CAMTA1: variants seen among roughly 807,000 people sequenced by gnomAD.
The protein encoded by CAMTA1 is calmodulin binding transcription activator 1, also known as calmodulin-binding transcription activator 1.
A neutral mutation model predicts 170.9 loss-of-function variants in CAMTA1; 27 were observed. That is an observed-to-expected ratio of 0.16 (90% CI 0.12 to 0.22). CAMTA1 has a LOEUF of 0.22. Among genes scored for constraint, CAMTA1 ranks in the 10% least tolerant of loss-of-function variants. CAMTA1 has a pLI of 1.00. For synonymous variants in CAMTA1, 833 were observed against 891.5 expected, an observed-to-expected ratio of 0.93 and a Z score of 1.17; for missense variants, 1,619 against 2,217.2, an observed-to-expected ratio of 0.73 and a Z score of 5.42.
intron 4 of CAMTA1, among the ~76,000 whole-genome samples, chr1:7,246,507 T>G (rs2149286627): frequency 6.6e-6 from 1 of 152,116 alleles, no homozygotes; most frequent in Non-Finnish European, 1.5e-5. Context: ...CCTGTTTTCC[T>G]GCTCTTCTTG....
Position 7,236,610 on chromosome 1 carries a change from C to T in CAMTA1, c.303-12881C>T, listed in dbSNP as rs151233094. Among the ~76,000 whole-genome samples, 436 of 152,302 alleles carry T rather than the reference C, an allele frequency of 2.9e-3. 4 individuals carry two copies. Among genetic ancestry groups the T allele is most frequent in the African/African-American group, 0.01 (418 of 41,564 alleles). On this transcript the variant is annotated intron_variant, in intron 4 of 22. Transcript: ENST00000303635. ...CTTCTCTGTGCCCTAAGCCTTCTCA[C>T]CCTGTAAAATGAAGATAGCAATACC...
chr1:7,220,849 A>C (rs868662222), intron 4 of CAMTA1, among the ~76,000 whole-genome samples: 59 of 152,276 alleles, frequency 3.9e-4, no homozygotes, highest in Middle Eastern at 6.8e-3. Context: ...CTGGACATGG[A>C]GAAGAAGTGG....
chr1:6,797,189 T>G (rs953171066), intron 1 of CAMTA1, among the ~76,000 whole-genome samples: 1 of 151,528 alleles, frequency 6.6e-6, no homozygotes, highest in Admixed American at 6.6e-5. Flanking sequence ...CCTGCCTCAG[T>G]CCCCCAAGTG....
Position 7,113,775 on chromosome 1 carries a change from G to T in CAMTA1, c.302+22404G>T, listed in dbSNP as rs1362254204. ...TTGTGCTTCAAAAATGTAACAGATA[G>T]AAAGGAGTGAGTGCTTCTTGCATCC... On this transcript the variant is annotated intron_variant, in intron 4 of 22. Transcript: ENST00000303635. This position sits in a 1 kb window ranked among gnomAD's most constrained non-coding sequence, Gnocchi z 4.5. Among the ~76,000 whole-genome samples the T allele has an allele frequency of 6.6e-6, 1 of 152,204 alleles. No homozygotes were observed. The highest frequency in any genetic ancestry group is 1.5e-5 in the Non-Finnish European group (1 of 68,032).
At chr1:7,437,835 G>C (rs574295526) in intron 5 of CAMTA1, among the ~76,000 whole-genome samples, 1 of 152,190 alleles carries the variant, frequency 6.6e-6, no homozygotes. Flanking sequence ...GCTCCTACAC[G>C]GTCGGGCGGT....
At position 7,040,723 on chromosome 1, in the gene CAMTA1, C is replaced by CA. The variant is rs1351458629; in HGVS notation, c.235-50581_235-50580insA. 2.1e-5 allele frequency among the ~76,000 whole-genome samples: 3 copies of CA among 141,684 alleles called. No individual in the cohort carries two copies. In the East Asian group the frequency reaches 6.2e-4, roughly 29 times the overall value. The allele number at this position is 141,684 out of a possible 152,430, so 93.0% of individuals were successfully genotyped here. On this transcript the variant is annotated intron_variant, in intron 3 of 22. Coordinates refer to ENST00000303635, the MANE Select transcript of CAMTA1 (RefSeq NM_015215.4). ...TTCTGCCTTGGCCATGGATCTCCCTCTTTTTTTTTTTTTTTTTAAAGACAG... is the reference window on the plus strand; with the variant it reads ...TTCTGCCTTGGCCATGGATCTCCCTCATTTTTTTTTTTTTTTTTAAAGACAG...
At chr1:7,498,855 AGTGT>A (rs1180927952) in intron 6 of CAMTA1, among the ~76,000 whole-genome samples, 1 of 103,184 alleles carries the variant, frequency 9.7e-6, no homozygotes, top group Non-Finnish European at 2.0e-5. Flanking sequence ...TGTATGTATG[AGTGT>A]GTGTGTGCAT....
chr1:7,147,677 ACATT>A (rs1363344085), intron 4 of CAMTA1, among the ~76,000 whole-genome samples: 1 of 151,570 alleles, frequency 6.6e-6, no homozygotes, highest in Non-Finnish European at 1.5e-5. Context: ...ATGCACACAC[ACATT>A]CATACACCAT....
chr1:6,843,012 A>T (rs1425227511), intron 3 of CAMTA1, among the ~76,000 whole-genome samples: 1 of 152,198 alleles, frequency 6.6e-6, no homozygotes, highest in Non-Finnish European at 1.5e-5. Context: ...CAGTTATATT[A>T]TTAAAATGTA....
At chr1:7,504,629 G>A (rs541681863) in intron 6 of CAMTA1, among the ~76,000 whole-genome samples, 1 of 152,274 alleles carries the variant, frequency 6.6e-6, no homozygotes, top group East Asian at 1.9e-4. Flanking sequence ...GGAAGAGGTT[G>A]GGGATGCACC....
At chr1:6,806,713 T>C (rs1402452033) in intron 1 of CAMTA1, among the ~76,000 whole-genome samples, 1 of 152,114 alleles carries the variant, frequency 6.6e-6, no homozygotes, top group Non-Finnish European at 1.5e-5. Context: ...ATACCTTGCA[T>C]GTTTTAAAAA....
rs1374721022 is a variant in CAMTA1, at chr1:7,665,962, G to A, written c.2652+763G>A. Among the ~76,000 whole-genome samples the A allele has an allele frequency of 6.6e-6, 1 of 152,136 alleles. No homozygotes were observed. Among genetic ancestry groups the A allele is most frequent in the East Asian group, 1.9e-4 (1 of 5,184 alleles). On this transcript the variant is annotated intron_variant, in intron 9 of 22. Coordinates refer to ENST00000303635, the MANE Select transcript of CAMTA1 (RefSeq NM_015215.4). This position sits in a 1 kb window ranked among gnomAD's most constrained non-coding sequence, Gnocchi z 4.3. The stretch of plus-strand genomic sequence containing the variant: ...GTGGGTGGATCACCTGAGGTCAGGA[G>A]TTCGAGACTAGCCTGGCCAACATGG...
chr1:7,240,913 T>C (rs993300874), intron 4 of CAMTA1, among the ~76,000 whole-genome samples: 4 of 152,210 alleles, frequency 2.6e-5, no homozygotes, highest in Non-Finnish European at 5.9e-5. Flanking sequence ...AAAGTGTTGA[T>C]TCTCACCGCT....
In CAMTA1 at chr1:6,954,347, C is replaced by T. The variant is rs546970541; in HGVS notation, c.234+129137C>T. Among the ~76,000 whole-genome samples the T allele has an allele frequency of 1.5e-3, 230 of 152,296 alleles. 2 individuals carry two copies. Among genetic ancestry groups the T allele is most frequent in the African/African-American group, 4.9e-3 (205 of 41,546 alleles). ...AAGGGGATTTACCCTGCAGGAGTAACGCTCCTATTGCTCGAGCTGTTGGGG... is the reference window on the plus strand; with the variant it reads ...AAGGGGATTTACCCTGCAGGAGTAATGCTCCTATTGCTCGAGCTGTTGGGG... On this transcript the variant is annotated intron_variant, in intron 3 of 22. Transcript: ENST00000303635.
At chr1:7,591,622 G>A (rs1414617856) in intron 6 of CAMTA1, among the ~76,000 whole-genome samples, 1 of 152,182 alleles carries the variant, frequency 6.6e-6, no homozygotes, top group African/African-American at 2.4e-5. Context: ...GAGGGTCAGT[G>A]GCCACTAGAA....
intron 6 of CAMTA1, among the ~76,000 whole-genome samples, chr1:7,587,794 GA>G (rs1219546976): frequency 6.6e-6 from 1 of 152,044 alleles, no homozygotes; most frequent in Non-Finnish European, 1.5e-5. Context: ...AGGCTGGCAG[GA>G]ACCTGGAGGC....
Position 7,498,441 on chromosome 1 carries a change from G to C in CAMTA1, c.510+30540G>C, listed in dbSNP as rs544234577. Among the ~76,000 whole-genome samples the C allele has an allele frequency of 6.8e-4, 103 of 151,034 alleles. 1 individual carries two copies. Among genetic ancestry groups the C allele is most frequent in the Admixed American group, 2.1e-3 (32 of 15,240 alleles). ...AGTGTGTGGATGTGCGTGTGTATGA[G>C]TGTGTGTGAATGTGCATGACAGTGT... On this transcript the variant is annotated intron_variant, in intron 6 of 22. Coordinates refer to ENST00000303635, the MANE Select transcript of CAMTA1 (RefSeq NM_015215.4).
chr1:7,348,923 C>T (rs907047650), intron 5 of CAMTA1, among the ~76,000 whole-genome samples: 3 of 152,162 alleles, frequency 2.0e-5, no homozygotes, highest in Admixed American at 1.3e-4. Context: ...TTCTCATTTC[C>T]TCACCTTCTG....
intron 5 of CAMTA1, among the ~76,000 whole-genome samples, chr1:7,351,227 T>A (rs2084645604): frequency 6.6e-6 from 1 of 152,268 alleles, no homozygotes; most frequent in African/African-American, 2.4e-5. Flanking sequence ...ACGATCCTGA[T>A]GTCTGAGGAA....
Sources: allele counts gnomAD v4.1 joint callset (sites outside exome capture counted in the v4.1 genomes callset), GRCh38; gene constraint gnomAD v4.1.1; non-coding constraint Gnocchi (gnomAD v3.1); transcripts MANE v1.5; gene names NCBI Gene and HGNC (gene_info 2026-07-23, HGNC 2026-07-21).